GPC5: variants seen among roughly 807,000 people sequenced by gnomAD.
GPC5 encodes the protein glypican 5, also known as glypican-5.
In GPC5, 47 loss-of-function variants were observed where a neutral mutation model predicts 53.9. That is an observed-to-expected ratio of 0.87 (90% confidence interval 0.69 to 1.11). The LOEUF (loss-of-function observed/expected upper bound fraction) is 1.11, where lower values mean the gene tolerates loss of function less well. Ranked by LOEUF, GPC5 falls within the 50% of genes most tolerant of loss-of-function variation. The pLI is 0.00. For synonymous variants in GPC5, 286 were observed against 263.3 expected (o/e 1.09, Z -0.84); for missense variants, 748 against 713.1 (o/e 1.05, Z -0.56).
At chr13:92,058,036 A>G (rs1400006463) in intron 6 of GPC5, among the ~76,000 whole-genome samples, 1 of 152,142 alleles carries the variant, frequency 6.6e-6, no homozygotes, top group Non-Finnish European at 1.5e-5. Flanking sequence ...ATGGGATCTC[A>G]TTGACTCCAT....
In GPC5 at chr13:92,866,568, T is replaced by C; in HGVS notation, c.*129T>C. 1 of 734,642 alleles carries C rather than the reference T, an allele frequency of 1.4e-6. No homozygotes were observed. The highest frequency in any genetic ancestry group is 2.0e-6 in the Non-Finnish European group (1 of 489,966). 45.5% of individuals were successfully genotyped at this position (734,642 alleles called of 1,614,324 possible). ...TGAAAAGATATGTTACACTAACTTC[T>C]CAGAAGCCAAGCTGAAATATTCATA... is the stretch of plus-strand genomic sequence containing the variant. On this transcript the variant is annotated 3_prime_UTR_variant, in exon 8 of 8. Transcript: ENST00000377067.
intron 7 of GPC5, among the ~76,000 whole-genome samples, chr13:92,321,308 T>G (rs1228339219): frequency 6.6e-6 from 1 of 152,200 alleles, no homozygotes; most frequent in Non-Finnish European, 1.5e-5. Context: ...TAAAATAGAA[T>G]TATTGCCAGG....
chr13:91,772,234 T>G (rs2037637505), intron 5 of GPC5, among the ~76,000 whole-genome samples: 1 of 152,176 alleles, frequency 6.6e-6, no homozygotes, highest in Non-Finnish European at 1.5e-5. Context: ...AGTGAATGAT[T>G]TACTGTATTT....
chr13:91,501,335 G>A (rs1884626713), intron 2 of GPC5, among the ~76,000 whole-genome samples: 1 of 148,988 alleles, frequency 6.7e-6, no homozygotes, highest in Non-Finnish European at 1.5e-5. Flanking sequence ...ATGTTGGTGT[G>A]CTGCACCCAG....
chr13:91,801,285 G>GTGTGTGTT (rs2038132352), intron 5 of GPC5, among the ~76,000 whole-genome samples: 1 of 147,008 alleles, frequency 6.8e-6, no homozygotes, highest in Non-Finnish European at 1.5e-5. Context: ...GTGTGTGTGT[G>GTGTGTGTT]TGTGTGTGTT....
intron 7 of GPC5, among the ~76,000 whole-genome samples, chr13:92,415,530 T>C (rs1356817011): frequency 6.6e-6 from 1 of 152,164 alleles, no homozygotes; most frequent in African/African-American, 2.4e-5. Context: ...CAACACTGGC[T>C]GAGGACTAGG....
At chr13:91,489,608 C>T (rs1883818655) in intron 2 of GPC5, among the ~76,000 whole-genome samples, 1 of 152,176 alleles carries the variant, frequency 6.6e-6, no homozygotes, top group African/African-American at 2.4e-5. Context: ...CATTATTTTA[C>T]AGGCTACTTC....
chr13:92,521,820 T>A (rs1881061621), intron 7 of GPC5, among the ~76,000 whole-genome samples: 1 of 152,070 alleles, frequency 6.6e-6, no homozygotes. Context: ...CAAAAGAAAC[T>A]ACCATCAGAG....
intron 7 of GPC5, among the ~76,000 whole-genome samples, chr13:92,647,080 T>C (rs563837544): frequency 6.6e-6 from 1 of 152,114 alleles, no homozygotes; most frequent in South Asian, 2.1e-4. Flanking sequence ...AAAGACAGTT[T>C]TGTTTTTCCC....
intron 7 of GPC5, among the ~76,000 whole-genome samples, chr13:92,646,294 T>A (rs549091686): frequency 6.6e-6 from 1 of 152,272 alleles, no homozygotes; most frequent in South Asian, 2.1e-4. Flanking sequence ...TCTTTCACCA[T>A]TGAAAATCAA....
chr13:91,658,829 G>A lies in GPC5; in HGVS notation c.326-34358G>A, dbSNP rs147338494. On this transcript the variant is annotated intron_variant, in intron 2 of 7. Coordinates refer to ENST00000377067, the MANE Select transcript of GPC5 (RefSeq NM_004466.6). The stretch of plus-strand genomic sequence containing the variant: ...TGTGCAAAGTTACTTCCTACCTCGG[G>A]GCCTTCACACTTGCTGATTCCTGCC... Among the ~76,000 whole-genome samples, 515 of 152,068 alleles carry A rather than the reference G, an allele frequency of 3.4e-3. 1 individual carries two copies. The highest frequency in any genetic ancestry group is 0.017 in the Middle Eastern group (5 of 294).
chr13:91,440,707 G>A (rs1448812847), intron 1 of GPC5, among the ~76,000 whole-genome samples: 1 of 152,112 alleles, frequency 6.6e-6, no homozygotes, highest in Non-Finnish European at 1.5e-5. Flanking sequence ...GGATTCTATT[G>A]TATTCCTTTT....
At chr13:92,102,840 T>C (rs1031108087) in intron 6 of GPC5, among the ~76,000 whole-genome samples, 4 of 152,150 alleles carry the variant, frequency 2.6e-5, no homozygotes, top group African/African-American at 9.7e-5. Context: ...TGGATTGAGG[T>C]GTACAGGTTT....
chr13:92,605,576 G>GTTTTT (rs55887927), intron 7 of GPC5, among the ~76,000 whole-genome samples: 5,834 of 138,428 alleles, frequency 0.042, 704 homozygotes, highest in African/African-American at 0.15. Flanking sequence ...GTATTCACTA[G>GTTTTT]TTTTTTTTTT....
chr13:92,359,429 A>G (rs9516066), intron 7 of GPC5, among the ~76,000 whole-genome samples: 16,446 of 151,530 alleles, frequency 0.11, 1,149 homozygotes, highest in Middle Eastern at 0.15. Flanking sequence ...TCTTCCTCTG[A>G]GTCCTCCAAA....
At chr13:91,502,068 C>A (rs1481734441) in intron 2 of GPC5, among the ~76,000 whole-genome samples, 3 of 152,146 alleles carry the variant, frequency 2.0e-5, no homozygotes, top group African/African-American at 7.2e-5. Flanking sequence ...TGTTCTTATC[C>A]TTTGCCCACT....
At chr13:92,682,612 A>T (rs1887144396) in intron 7 of GPC5, among the ~76,000 whole-genome samples, 1 of 152,226 alleles carries the variant, frequency 6.6e-6, no homozygotes, top group African/African-American at 2.4e-5. Flanking sequence ...AGACTTGCCA[A>T]GAACAAATTA....
intron 7 of GPC5, among the ~76,000 whole-genome samples, chr13:92,847,005 T>C (rs1053724105): frequency 6.6e-6 from 1 of 152,186 alleles, no homozygotes; most frequent in Non-Finnish European, 1.5e-5. Flanking sequence ...GAGATGCTCA[T>C]GGATAATCAT....
chr13:92,008,405 T>C (rs2040629998), intron 6 of GPC5, among the ~76,000 whole-genome samples: 1 of 152,148 alleles, frequency 6.6e-6, no homozygotes, highest in Non-Finnish European at 1.5e-5. Flanking sequence ...TTTTTCATTT[T>C]TCATTCCTTT....
Sources: allele counts gnomAD v4.1 joint callset (sites outside exome capture counted in the v4.1 genomes callset), GRCh38; gene constraint gnomAD v4.1.1; transcripts MANE v1.5; gene names NCBI Gene and HGNC (gene_info 2026-07-23, HGNC 2026-07-21).